CWC27: variants seen among roughly 807,000 people sequenced by gnomAD.
The protein encoded by CWC27 is CWC27 spliceosome associated cyclophilin.
In CWC27, 47 loss-of-function variants were observed where a neutral mutation model predicts 63.6. That is an observed-to-expected ratio of 0.74 (90% CI 0.58 to 0.94). The LOEUF (loss-of-function observed/expected upper bound fraction) is 0.94, where lower values mean the gene tolerates loss of function less well. CWC27 is among the 40% of genes least tolerant of loss of function. The probability of loss-of-function intolerance (pLI) is 0.00; values close to 1 mark genes in which losing one functional copy is unlikely to be tolerated. For missense variants in CWC27, 495 were observed against 554.3 expected, an observed-to-expected ratio of 0.89 and a Z score of 1.07; for synonymous variants, 175 against 179.8, an observed-to-expected ratio of 0.97 and a Z score of 0.22.
rs1478291580 is a variant in CWC27, at chr5:65,015,920, GC to G, written c.1257-2238del. Among the ~76,000 whole-genome samples the G allele has an allele frequency of 1.1e-4, 16 of 152,322 alleles. 1 individual carries two copies. The highest frequency in any genetic ancestry group is 9.2e-4 in the Admixed American group (14 of 15,298). ...GAAGCATATTCACTGGAGCCAGTCT[GC>G]AGCCGACAGGCCAACTTTCAAAAGC... On this transcript the variant is annotated intron_variant, in intron 13 of 13. Transcript: ENST00000381070.
At chr5:64,908,774 C>G (rs112066755) in intron 11 of CWC27, among the ~76,000 whole-genome samples, 1 of 152,050 alleles carries the variant, frequency 6.6e-6, no homozygotes, top group East Asian at 1.9e-4. Context: ...AGCCTATGTG[C>G]GTCTCTGCAC....
intron 11 of CWC27, among the ~76,000 whole-genome samples, chr5:64,958,147 A>T (rs978463921): frequency 3.3e-5 from 5 of 152,160 alleles, no homozygotes; most frequent in South Asian, 2.1e-4. Context: ...TAAAAATTTT[A>T]AAAATTCCTA....
At chr5:64,812,488 A>G (rs749394652) in intron 10 of CWC27, among the ~76,000 whole-genome samples, 2 of 152,180 alleles carry the variant, frequency 1.3e-5, no homozygotes, top group Non-Finnish European at 2.9e-5. Context: ...TGGTCTCTGA[A>G]TAAAGAAAAT....
chr5:64,823,141 T>C (rs1199318896), intron 10 of CWC27, among the ~76,000 whole-genome samples: 1 of 152,196 alleles, frequency 6.6e-6, no homozygotes, highest in Non-Finnish European at 1.5e-5. Context: ...CCCTTCCTAT[T>C]TCAGTGGTGT....
intron 10 of CWC27, among the ~76,000 whole-genome samples, chr5:64,817,233 C>T (rs1047058802): frequency 7.9e-5 from 12 of 152,218 alleles, no homozygotes; most frequent in African/African-American, 2.9e-4. Context: ...TCTTAGTAGC[C>T]ATTCATTCTT....
At chr5:64,808,901 A>G (rs1354473941) in intron 10 of CWC27, among the ~76,000 whole-genome samples, 1 of 152,192 alleles carries the variant, frequency 6.6e-6, no homozygotes, top group Admixed American at 6.5e-5. Flanking sequence ...AAGTCTGGGA[A>G]GATCCTTCTT....
intron 10 of CWC27, among the ~76,000 whole-genome samples, chr5:64,882,434 AT>A (rs2112339112): frequency 6.6e-6 from 1 of 152,218 alleles, no homozygotes; most frequent in Admixed American, 6.5e-5. Flanking sequence ...CTCAATTGAG[AT>A]TTGCTATAAG....
chr5:64,809,417 G>C (rs529586655), intron 10 of CWC27, among the ~76,000 whole-genome samples: 1 of 152,250 alleles, frequency 6.6e-6, no homozygotes, highest in East Asian at 1.9e-4. Context: ...GCCCAGGCTG[G>C]AGTGTAGTGG....
chr5:65,009,660 T>C (rs1387976836), intron 13 of CWC27, among the ~76,000 whole-genome samples: 1 of 152,152 alleles, frequency 6.6e-6, no homozygotes, highest in Non-Finnish European at 1.5e-5. Context: ...AAACTCTCTC[T>C]CTCTGGCACA....
At chr5:64,892,938 G>A (rs1211521415) in intron 11 of CWC27, among the ~76,000 whole-genome samples, 1 of 152,090 alleles carries the variant, frequency 6.6e-6, no homozygotes, top group East Asian at 1.9e-4. Context: ...TTCTCAGCTG[G>A]CCACTAAAAA....
At chr5:64,910,710 G>A (rs1323893543) in intron 11 of CWC27, among the ~76,000 whole-genome samples, 1 of 152,216 alleles carries the variant, frequency 6.6e-6, no homozygotes, top group African/African-American at 2.4e-5. Flanking sequence ...GTCTCAGACT[G>A]CCGCACTAGC....
chr5:64,829,853 A>G (rs1449358835), intron 10 of CWC27, among the ~76,000 whole-genome samples: 1 of 146,562 alleles, frequency 6.8e-6, no homozygotes, highest in South Asian at 2.2e-4. Context: ...TCCATGTGTT[A>G]TCATTGTTCA....
chr5:64,778,283 T>C (rs1307244950), intron 2 of CWC27, among the ~76,000 whole-genome samples: 1 of 152,124 alleles, frequency 6.6e-6, no homozygotes, highest in African/African-American at 2.4e-5. Context: ...CTCTGTCGCA[T>C]GCACTTGCGC....
At position 64,894,573 on chromosome 5, in the gene CWC27, A is replaced by ACTT. The variant is rs545615681; in HGVS notation, c.1042+9027_1042+9028insCTT. The stretch of plus-strand genomic sequence containing the variant: ...ATGAATGACAAAAGATTATTATGTA[A>ACTT]TGGAACACATCAATTTCTGTCACTA... On this transcript the variant is annotated intron_variant, in intron 11 of 13. Coordinates refer to ENST00000381070, the MANE Select transcript of CWC27 (RefSeq NM_005869.4). 2.1e-4 allele frequency among the ~76,000 whole-genome samples: 32 copies of ACTT among 152,330 alleles called. No homozygotes were observed. In the South Asian group the frequency reaches 6.2e-3, roughly 30 times the overall value.
chr5:64,977,037 T>C, intron 12 of CWC27, 98 bp from the exon 13 acceptor site: 1 of 633,954 alleles, frequency 1.6e-6, no homozygotes, highest in South Asian at 3.4e-5. Context: ...TTGTTTTACA[T>C]CCAAGTAGGA....
intron 11 of CWC27, among the ~76,000 whole-genome samples, chr5:64,888,389 T>TATAAATAC (rs1208454585): frequency 3.4e-5 from 5 of 146,056 alleles, no homozygotes; most frequent in African/African-American, 1.0e-4. Flanking sequence ...TATATAAATA[T>TATAAATAC]ATAAATAACA....
At chr5:64,970,131 G>A (rs1177996345) in intron 11 of CWC27, among the ~76,000 whole-genome samples, 2 of 151,968 alleles carry the variant, frequency 1.3e-5, no homozygotes, top group Non-Finnish European at 2.9e-5. Context: ...TTTATCCCAG[G>A]ACAATGCAAA....
At chr5:64,987,492 A>G (rs1290713608) in intron 13 of CWC27, among the ~76,000 whole-genome samples, 1 of 151,724 alleles carries the variant, frequency 6.6e-6, no homozygotes, top group Non-Finnish European at 1.5e-5. Flanking sequence ...ACAGGAGAAG[A>G]CTCTGTTATA....
intron 13 of CWC27, among the ~76,000 whole-genome samples, chr5:65,016,918 G>C (rs911905777): frequency 6.6e-6 from 1 of 152,126 alleles, no homozygotes; most frequent in African/African-American, 2.4e-5. Context: ...AGTTACAACA[G>C]GCATATAAGA....
Sources: allele counts gnomAD v4.1 joint callset (sites outside exome capture counted in the v4.1 genomes callset), GRCh38; gene constraint gnomAD v4.1.1; transcripts MANE v1.5; gene names NCBI Gene and HGNC (gene_info 2026-07-23, HGNC 2026-07-21).